The following CTNNBL1 variants were observed in gnomAD, a reference collection of about 807,000 sequenced individuals.
CTNNBL1 encodes the protein beta-catenin-like protein 1.
A neutral mutation model predicts 72.7 loss-of-function variants in CTNNBL1; 31 were observed. The ratio of observed to expected loss-of-function variants is 0.43; its 90% CI spans 0.32 to 0.58. The LOEUF (loss-of-function observed/expected upper bound fraction) is 0.58. Among genes scored for constraint, CTNNBL1 ranks in the 20% least tolerant of loss-of-function variants. The pLI is 0.08. For missense variants in CTNNBL1, 534 were observed against 725.1 expected (o/e 0.74, Z 3.03); for synonymous variants, 240 against 267.3 (o/e 0.90, Z 1.00).
chr20:37,853,400 T>G (rs1276426731), intron 13 of CTNNBL1, among the ~76,000 whole-genome samples: 1 of 152,218 alleles, frequency 6.6e-6, no homozygotes, highest in Admixed American at 6.5e-5. Context: ...ATAATTTTTT[T>G]CTAGAACTTT....
chr20:37,850,393 G>A (rs995253823), intron 13 of CTNNBL1, among the ~76,000 whole-genome samples: 5 of 152,164 alleles, frequency 3.3e-5, no homozygotes, highest in Admixed American at 1.3e-4. Context: ...CCCTGTGTGT[G>A]TGTGTCCATT....
chr20:37,864,216 A>G (rs1256814649), intron 15 of CTNNBL1, among the ~76,000 whole-genome samples: 1 of 140,278 alleles, frequency 7.1e-6, no homozygotes, highest in Non-Finnish European at 1.5e-5. Flanking sequence ...CCTTCCTTCA[A>G]TCAAAAGCCC....
intron 13 of CTNNBL1, among the ~76,000 whole-genome samples, chr20:37,849,330 G>A (rs1238010303): frequency 1.3e-5 from 2 of 152,178 alleles, no homozygotes; most frequent in African/African-American, 4.8e-5. Context: ...TCGCCCTCGG[G>A]ATGCAGTCTA....
At chr20:37,859,867 G>A in intron 13 of CTNNBL1, 32 bp from the exon 14 acceptor site, 1 of 1,610,786 alleles carries the variant, frequency 6.2e-7, no homozygotes, top group Non-Finnish European at 8.5e-7. Context: ...TCACTGTCCA[G>A]CTTTTATTCC....
At chr20:37,772,622 A>G (rs893761172) in intron 7 of CTNNBL1, among the ~76,000 whole-genome samples, 1 of 152,200 alleles carries the variant, frequency 6.6e-6, no homozygotes, top group African/African-American at 2.4e-5. Context: ...TGCTGGGATT[A>G]CAGGTGTAAG....
chr20:37,820,636 A>G (rs948775732), intron 11 of CTNNBL1, among the ~76,000 whole-genome samples: 6 of 152,126 alleles, frequency 3.9e-5, no homozygotes, highest in Non-Finnish European at 7.4e-5. Context: ...ACGAAATCCA[A>G]TGGTTTAAAA....
At chr20:37,758,158 T>G (rs1209978788) in intron 5 of CTNNBL1, among the ~76,000 whole-genome samples, 1 of 152,240 alleles carries the variant, frequency 6.6e-6, no homozygotes, top group African/African-American at 2.4e-5. Flanking sequence ...ACAGGTATTA[T>G]TATTATTACT....
chr20:37,805,422 TTC>T (rs1428477975), intron 11 of CTNNBL1, among the ~76,000 whole-genome samples: 4 of 150,604 alleles, frequency 2.7e-5, no homozygotes, highest in African/African-American at 9.8e-5. Flanking sequence ...TTTTTTTTTT[TTC>T]CCTGGCCTGT....
chr20:37,827,027 C>T (rs2072166406), intron 11 of CTNNBL1, among the ~76,000 whole-genome samples: 2 of 152,206 alleles, frequency 1.3e-5, no homozygotes, highest in African/African-American at 4.8e-5. Flanking sequence ...ACAGAGGTAA[C>T]CACTATTCTG....
intron 1 of CTNNBL1, among the ~76,000 whole-genome samples, chr20:37,715,935 A>G (rs894683318): frequency 2.6e-5 from 4 of 152,128 alleles, no homozygotes; most frequent in Non-Finnish European, 5.9e-5. Flanking sequence ...TTCACTTTAC[A>G]TTCCTTTATC....
rs1283546579 is a variant in CTNNBL1, at chr20:37,839,624, T to G, written c.1214-478T>G. 2.0e-5 allele frequency among the ~76,000 whole-genome samples: 3 copies of G among 152,240 alleles called. No individual in the cohort carries two copies. In the East Asian group the frequency reaches 5.8e-4, roughly 29 times the overall value. ...GATGTTAGCTGCACCAGAATGTAAGTGATAGCACTGGGTCCCTATCATATT... is the reference window on the plus strand; with the variant it reads ...GATGTTAGCTGCACCAGAATGTAAGGGATAGCACTGGGTCCCTATCATATT... On this transcript the variant is annotated intron_variant, in intron 11 of 15. Transcript: ENST00000361383.
At chr20:37,833,727 C>G (rs1056207376) in intron 11 of CTNNBL1, among the ~76,000 whole-genome samples, 13 of 152,158 alleles carry the variant, frequency 8.5e-5, no homozygotes, top group African/African-American at 3.1e-4. Flanking sequence ...GTCGAAATGA[C>G]GGAGCAGCTG....
chr20:37,840,081 C>T, intron 11 of CTNNBL1, 21 bp from the exon 12 acceptor site: 1 of 1,589,384 alleles, frequency 6.3e-7, no homozygotes, highest in Non-Finnish European at 8.6e-7. Context: ...AGCATGTTCT[C>T]TTTTCTCTTT....
intron 1 of CTNNBL1, among the ~76,000 whole-genome samples, chr20:37,731,953 G>A (rs1323540120): frequency 6.6e-6 from 1 of 152,300 alleles, no homozygotes; most frequent in Non-Finnish European, 1.5e-5. Context: ...TGGATCATAT[G>A]ATAATTCTAT....
At position 37,810,409 on chromosome 20, in the gene CTNNBL1, C is replaced by A. The variant is rs867284315; in HGVS notation, c.1213+7361C>A. ...TTCATTCCCACCAGACTACATTAAT[C>A]CCTTTGTGAGGGTGGATCTCGCATA... On this transcript the variant is annotated intron_variant, in intron 11 of 15. Coordinates refer to ENST00000361383, the MANE Select transcript of CTNNBL1 (RefSeq NM_030877.5). Among the ~76,000 whole-genome samples the A allele has an allele frequency of 5.9e-5, 9 of 152,292 alleles. 1 individual carries two copies. Among genetic ancestry groups the A allele is most frequent in the Middle Eastern group, 6.8e-3 (2 of 294 alleles).
chr20:37,699,363 T>G (rs1201465952), intron 1 of CTNNBL1, among the ~76,000 whole-genome samples: 4 of 152,186 alleles, frequency 2.6e-5, no homozygotes, highest in African/African-American at 9.7e-5. Flanking sequence ...TTCAGACAAG[T>G]TATCACATTT....
chr20:37,777,473 A>G, intron 8 of CTNNBL1, 56 bp downstream of exon 8: 2 of 1,548,136 alleles, frequency 1.3e-6, no homozygotes, highest in Non-Finnish European at 1.8e-6. Flanking sequence ...GGCTTGTTTC[A>G]GATCATGACA....
At chr20:37,838,100 A>G (rs1418640740) in intron 11 of CTNNBL1, among the ~76,000 whole-genome samples, 1 of 152,208 alleles carries the variant, frequency 6.6e-6, no homozygotes, top group East Asian at 1.9e-4. Flanking sequence ...CATGCAGATA[A>G]TCTGCCGCGG....
At chr20:37,788,610 T>G (rs531429255) in intron 10 of CTNNBL1, among the ~76,000 whole-genome samples, 92 of 152,400 alleles carry the variant, frequency 6.0e-4, no homozygotes, top group Non-Finnish European at 1.1e-3. Flanking sequence ...GCTCCTGCCC[T>G]GTTTGGCCTG....
Sources: allele counts gnomAD v4.1 joint callset (sites outside exome capture counted in the v4.1 genomes callset), GRCh38; gene constraint gnomAD v4.1.1; transcripts MANE v1.5; gene names NCBI Gene and HGNC (gene_info 2026-07-23, HGNC 2026-07-21).